Variants in SLC4A4 observed in about 807,000 individuals in gnomAD.
The protein encoded by SLC4A4 is solute carrier family 4 member 4.
In SLC4A4, 27 loss-of-function variants were observed where a neutral mutation model predicts 111.5. That is an observed-to-expected ratio of 0.24 (90% CI 0.18 to 0.33). SLC4A4 has a LOEUF of 0.33. SLC4A4 is among the 10% of genes least tolerant of loss of function. The pLI is 1.00. For synonymous variants in SLC4A4, 443 were observed against 463.4 expected, an observed-to-expected ratio of 0.96 and a Z score of 0.57; for missense variants, 909 against 1,315.5, an observed-to-expected ratio of 0.69 and a Z score of 4.78.
intron 7 of SLC4A4, among the ~76,000 whole-genome samples, chr4:71,424,783 T>C (rs910593942): frequency 6.6e-6 from 1 of 151,904 alleles, no homozygotes; most frequent in African/African-American, 2.4e-5. Flanking sequence ...TAGGTGGGAA[T>C]TGAACAATGA....
intron 16 of SLC4A4, among the ~76,000 whole-genome samples, chr4:71,504,924 A>G (rs898170905): frequency 3.9e-5 from 6 of 151,904 alleles, no homozygotes; most frequent in Non-Finnish European, 8.8e-5. Context: ...GTTTTTCTGA[A>G]TGTATCCATG....
chr4:71,209,532 G>A (rs1361924734), intron 1 of SLC4A4, among the ~76,000 whole-genome samples: 13 of 152,152 alleles, frequency 8.5e-5, no homozygotes, highest in Admixed American at 8.5e-4. Flanking sequence ...TAAAATATGA[G>A]TACCAGTAGC....
At chr4:71,324,044 A>G (rs776151592) in intron 3 of SLC4A4, among the ~76,000 whole-genome samples, 4 of 151,898 alleles carry the variant, frequency 2.6e-5, no homozygotes, top group Non-Finnish European at 5.9e-5. Flanking sequence ...AAAAGAATCA[A>G]TATGTGTGAA....
At chr4:71,433,837 A>C (rs1723865642) in intron 7 of SLC4A4, among the ~76,000 whole-genome samples, 1 of 152,278 alleles carries the variant, frequency 6.6e-6, no homozygotes, top group East Asian at 1.9e-4. Context: ...AGAGATATTT[A>C]TAACTGCCAA....
At chr4:71,121,386 C>T (rs949759260) in intron 2 of SLC4A4, among the ~76,000 whole-genome samples, 18 of 152,202 alleles carry the variant, frequency 1.2e-4, no homozygotes, top group Non-Finnish European at 1.8e-4. Flanking sequence ...CGGGCAGCTC[C>T]GCCCGCGGCC....
chr4:71,265,213 C>T (rs1462287126), intron 3 of SLC4A4, among the ~76,000 whole-genome samples: 1 of 152,080 alleles, frequency 6.6e-6, no homozygotes, highest in Non-Finnish European at 1.5e-5. Context: ...AGATGCTTTC[C>T]TCTTCTGGCA....
intron 2 of SLC4A4, among the ~76,000 whole-genome samples, chr4:71,122,822 A>G (rs1198217764): frequency 6.6e-6 from 1 of 152,208 alleles, no homozygotes; most frequent in Non-Finnish European, 1.5e-5. Flanking sequence ...TATACACAGG[A>G]CTTTCAATCA....
At chr4:71,292,833 G>GTTTTTTTTTTTTTTTTTTTTT (rs1210782035) in intron 3 of SLC4A4, among the ~76,000 whole-genome samples, 1 of 133,386 alleles carries the variant, frequency 7.5e-6, no homozygotes, top group African/African-American at 3.0e-5. Flanking sequence ...CTTACTTTTG[G>GTTTTTTTTTTTTTTTTTTTTT]TTTTTTTTGT....
At chr4:71,485,498 G>A (rs1729293052) in intron 14 of SLC4A4, among the ~76,000 whole-genome samples, 1 of 151,614 alleles carries the variant, frequency 6.6e-6, no homozygotes, top group Non-Finnish European at 1.5e-5. Context: ...CTTGATCGTG[G>A]TGGATTAGCT....
intron 7 of SLC4A4, among the ~76,000 whole-genome samples, chr4:71,413,099 C>G (rs769114277): frequency 1.3e-5 from 2 of 152,144 alleles, no homozygotes; most frequent in Non-Finnish European, 2.9e-5. Flanking sequence ...TTATTTTCCT[C>G]TTGATTCCTT....
At chr4:71,122,882 C>T (rs1376953393) in intron 2 of SLC4A4, among the ~76,000 whole-genome samples, 1 of 152,026 alleles carries the variant, frequency 6.6e-6, no homozygotes, top group East Asian at 1.9e-4. Context: ...GACTAAGAAA[C>T]AGTAAAGAAG....
intron 3 of SLC4A4, among the ~76,000 whole-genome samples, chr4:71,287,622 A>G (rs963297472): frequency 3.3e-5 from 5 of 152,226 alleles, no homozygotes; most frequent in African/African-American, 1.2e-4. Flanking sequence ...AATCAAATAC[A>G]TCTTGTAGTG....
chr4:71,122,869 G>C (rs764226330), intron 2 of SLC4A4, among the ~76,000 whole-genome samples: 1 of 152,118 alleles, frequency 6.6e-6, no homozygotes, highest in African/African-American at 2.4e-5. Flanking sequence ...AATATGAACA[G>C]GTGACTAAGA....
intron 4 of SLC4A4, among the ~76,000 whole-genome samples, chr4:71,344,991 A>C (rs1249061893): frequency 6.6e-6 from 1 of 152,136 alleles, no homozygotes; most frequent in African/African-American, 2.4e-5. Flanking sequence ...AAGATTAAGT[A>C]TTTATTTATA....
At chr4:71,133,635 C>T (rs1743767757) in intron 2 of SLC4A4, among the ~76,000 whole-genome samples, 1 of 152,182 alleles carries the variant, frequency 6.6e-6, no homozygotes, top group Non-Finnish European at 1.5e-5. Context: ...TTGGAACTAG[C>T]ACAGCATCAC....
At chr4:71,233,665 A>G (rs1231904993) in intron 1 of SLC4A4, among the ~76,000 whole-genome samples, 3 of 152,110 alleles carry the variant, frequency 2.0e-5, no homozygotes, top group African/African-American at 7.2e-5. Context: ...ATCTACTTGT[A>G]TGTCCGATGG....
At chr4:71,149,508 A>T (rs1744260192) in intron 2 of SLC4A4, among the ~76,000 whole-genome samples, 1 of 152,202 alleles carries the variant, frequency 6.6e-6, no homozygotes, top group Non-Finnish European at 1.5e-5. Context: ...TACTGGATCA[A>T]ACTGGAGAGG....
At chr4:71,524,333 A>G (rs1414641519) in intron 16 of SLC4A4, among the ~76,000 whole-genome samples, 2 of 152,094 alleles carry the variant, frequency 1.3e-5, no homozygotes, top group Non-Finnish European at 2.9e-5. Flanking sequence ...TTCTTGTTCT[A>G]CTGTGTTCTT....
At chr4:71,495,647 T>C (rs1312303009) in intron 15 of SLC4A4, among the ~76,000 whole-genome samples, 2 of 152,132 alleles carry the variant, frequency 1.3e-5, no homozygotes, top group Non-Finnish European at 2.9e-5. Flanking sequence ...GAGATTCTTC[T>C]TTTATGACTA....
Sources: allele counts gnomAD v4.1 joint callset (sites outside exome capture counted in the v4.1 genomes callset), GRCh38; gene constraint gnomAD v4.1.1; transcripts MANE v1.5; gene names NCBI Gene and HGNC (gene_info 2026-07-23, HGNC 2026-07-21).